The following ZFYVE9 variants were observed in gnomAD, a reference collection of about 807,000 sequenced individuals.
ZFYVE9 encodes zinc finger FYVE domain-containing protein 9.
A neutral mutation model predicts 126.7 loss-of-function variants in ZFYVE9; 43 were observed. That is an observed-to-expected ratio of 0.34 (90% confidence interval 0.27 to 0.44). The LOEUF is 0.44. Among genes scored for constraint, ZFYVE9 ranks in the 20% least tolerant of loss-of-function variants. The pLI is 1.00. For synonymous variants in ZFYVE9, 521 were observed against 597.4 expected, an observed-to-expected ratio of 0.87 and a Z score of 1.87; for missense variants, 1,476 against 1,697.0, an observed-to-expected ratio of 0.87 and a Z score of 2.29.
At chr1:52,176,449 C>A (rs1221676609) in intron 1 of ZFYVE9, among the ~76,000 whole-genome samples, 1 of 152,192 alleles carries the variant, frequency 6.6e-6, no homozygotes, top group Non-Finnish European at 1.5e-5. Flanking sequence ...GGTCAAGGAC[C>A]CACTTGAGGA....
In ZFYVE9 at chr1:52,277,877, A is replaced by T. The variant is rs1304660686; in HGVS notation, c.2747-615A>T. On this transcript the variant is annotated intron_variant, in intron 8 of 18. Coordinates refer to ENST00000287727, the MANE Select transcript of ZFYVE9 (RefSeq NM_004799.4). Reference sequence around the variant, plus strand: ...TTAACTTGTTCATGTTCAGAATCTTATGTGTGATTTACTGATGATTTTAGT... The same window carrying T: ...TTAACTTGTTCATGTTCAGAATCTTTTGTGTGATTTACTGATGATTTTAGT... Among the ~76,000 whole-genome samples, 3 of 152,324 alleles carry T rather than the reference A, an allele frequency of 2.0e-5. No individual in the cohort carries two copies. The East Asian group carries it at 5.8e-4, about 29-fold the overall frequency.
chr1:52,165,531 G>T (rs190598740), intron 1 of ZFYVE9, among the ~76,000 whole-genome samples: 5 of 152,284 alleles, frequency 3.3e-5, no homozygotes, highest in Non-Finnish European at 5.9e-5. Context: ...AAATATGATT[G>T]AATTAGATGG....
At chr1:52,289,922 A>G (rs1645900989) in intron 10 of ZFYVE9, among the ~76,000 whole-genome samples, 1 of 152,216 alleles carries the variant, frequency 6.6e-6, no homozygotes, top group Non-Finnish European at 1.5e-5. Flanking sequence ...ATAACTACCA[A>G]TAGATTCTAG....
At chr1:52,147,905 A>C (rs1439646086) in intron 1 of ZFYVE9, among the ~76,000 whole-genome samples, 1 of 151,716 alleles carries the variant, frequency 6.6e-6, no homozygotes, top group Non-Finnish European at 1.5e-5. Flanking sequence ...TAACCATCCT[A>C]ATGAGTGTGA....
intron 1 of ZFYVE9, among the ~76,000 whole-genome samples, chr1:52,189,311 A>T (rs542056622): frequency 6.6e-6 from 1 of 150,986 alleles, no homozygotes; most frequent in South Asian, 2.1e-4. Flanking sequence ...ATCCAGGCTC[A>T]CTGCAACCTC....
intron 17 of ZFYVE9, among the ~76,000 whole-genome samples, chr1:52,342,245 T>G (rs1646443631): frequency 6.7e-6 from 1 of 150,136 alleles, no homozygotes; most frequent in Non-Finnish European, 1.5e-5. Flanking sequence ...GTATTTGCAT[T>G]TCTGTGTCTT....
rs1432890046 is a variant in ZFYVE9 at position 52,346,152 on chromosome 1, G to A, written c.4209G>A (p.Gly1403=). 6.2e-7 allele frequency: 1 copy of A among 1,612,992 alleles called. No homozygotes were observed. Among genetic ancestry groups the A allele is most frequent in the Admixed American group, 1.7e-5 (1 of 59,960 alleles). Residue 1403 remains glycine, a synonymous_variant, in exon 19 of 19, where the codon GGG becomes GGA. Coordinates refer to ENST00000287727, the MANE Select transcript of ZFYVE9 (RefSeq NM_004799.4). ...CCTTGGTGCCGGTGATCCATGGAGG[G>A]GCCTGCCAGCTTAGTGAGGGCCCCG... ...DSALVPVIHG[G]ACQLSEGPVV...
chr1:52,161,465 A>G (rs1164463782), intron 1 of ZFYVE9, among the ~76,000 whole-genome samples: 3 of 151,934 alleles, frequency 2.0e-5, no homozygotes, highest in African/African-American at 7.3e-5. Context: ...AATTTTTTGT[A>G]TTTTTAGTAG....
At chr1:52,187,228 A>G (rs1165557997) in intron 1 of ZFYVE9, among the ~76,000 whole-genome samples, 2 of 152,180 alleles carry the variant, frequency 1.3e-5, no homozygotes, top group East Asian at 1.9e-4. Context: ...AGGACTGCCT[A>G]TTCAATAAAT....
At chr1:52,232,231 T>G (rs1229863793) in intron 2 of ZFYVE9, among the ~76,000 whole-genome samples, 3 of 152,272 alleles carry the variant, frequency 2.0e-5, no homozygotes, top group Non-Finnish European at 4.4e-5. Flanking sequence ...AAAGAAAAAT[T>G]TGAAACACTA....
At chr1:52,264,611 C>T (rs1217347074) in intron 5 of ZFYVE9, among the ~76,000 whole-genome samples, 1 of 152,178 alleles carries the variant, frequency 6.6e-6, no homozygotes, top group East Asian at 1.9e-4. Context: ...CATCTTTGTA[C>T]AGTTACTGGA....
intron 13 of ZFYVE9, among the ~76,000 whole-genome samples, chr1:52,332,381 A>G (rs1031001317): frequency 6.6e-6 from 1 of 152,186 alleles, no homozygotes; most frequent in Admixed American, 6.5e-5. Context: ...AAGAAAGCAG[A>G]TGTACTTAAA....
At position 52,195,705 on chromosome 1, in the gene ZFYVE9, CAG is replaced by C. The variant is rs1256529079; in HGVS notation, c.-142-20661_-142-20660del. 2.0e-5 allele frequency among the ~76,000 whole-genome samples: 3 copies of C among 151,868 alleles called. No homozygotes were observed. In the East Asian group the frequency reaches 5.8e-4, roughly 29 times the overall value. ...GTGTTTTTTATTTTTATTTTGGACA[CAG>C]AGTATTAATGTATTAACTAGTTTAT... On this transcript the variant is annotated intron_variant, in intron 1 of 18. Coordinates refer to ENST00000287727, the MANE Select transcript of ZFYVE9 (RefSeq NM_004799.4).
At chr1:52,289,056 A>G (rs1246069273) in intron 10 of ZFYVE9, among the ~76,000 whole-genome samples, 1 of 152,106 alleles carries the variant, frequency 6.6e-6, no homozygotes, top group Non-Finnish European at 1.5e-5. Flanking sequence ...AAAGGAAGCT[A>G]TTGACACATA....
intron 13 of ZFYVE9, among the ~76,000 whole-genome samples, chr1:52,314,729 A>G (rs571009285): frequency 6.6e-6 from 1 of 152,226 alleles, no homozygotes; most frequent in East Asian, 1.9e-4. Flanking sequence ...CTAAGGCAGG[A>G]GAATCACTTG....
At chr1:52,291,430 G>A (rs912053486) in intron 10 of ZFYVE9, among the ~76,000 whole-genome samples, 2 of 152,204 alleles carry the variant, frequency 1.3e-5, no homozygotes, top group Admixed American at 1.3e-4. Flanking sequence ...CTCGTACTTG[G>A]CTAGTGAACA....
chr1:52,205,604 C>A (rs866197304), intron 1 of ZFYVE9, among the ~76,000 whole-genome samples: 1 of 151,682 alleles, frequency 6.6e-6, no homozygotes, highest in African/African-American at 2.4e-5. Flanking sequence ...AACTCCTGGC[C>A]TCAAGCAGCC....
Position 52,332,760 on chromosome 1 carries a change from G to T in ZFYVE9, c.3439-8G>T. ...CTTGTCAGAATAAGGTTATCTCTTT[G>T]ATTGCAGATGATGAAAGCCATGAAC... On this transcript the variant is annotated splice_polypyrimidine_tract_variant and splice_region_variant and intron_variant, in intron 13 of 18. Transcript: ENST00000287727. The T allele has an allele frequency of 6.2e-7, 1 of 1,612,602 alleles. No individual in the cohort carries two copies.
At chr1:52,144,200 C>T (rs371367694) in intron 1 of ZFYVE9, among the ~76,000 whole-genome samples, 26 of 152,164 alleles carry the variant, frequency 1.7e-4, no homozygotes, top group African/African-American at 6.3e-4. Flanking sequence ...CCACCTGTAG[C>T]CCCAGCTACT....
Sources: gnomAD v4.1 joint callset for allele counts (sites outside exome capture counted in the v4.1 genomes callset) on GRCh38, gnomAD v4.1.1 for gene constraint, MANE v1.5 for transcripts, NCBI Gene and HGNC (gene_info 2026-07-23, HGNC 2026-07-21) for gene names.